Variants in CTNNA3 observed in about 807,000 individuals in gnomAD.
CTNNA3 encodes the protein catenin alpha 3, also known as catenin alpha-3.
A neutral mutation model predicts 95.7 loss-of-function variants in CTNNA3; 76 were observed. The ratio of observed to expected loss-of-function variants is 0.79; its 90% CI spans 0.66 to 0.96. The LOEUF (loss-of-function observed/expected upper bound fraction) is 0.96, where lower values mean the gene tolerates loss of function less well. Ranked by LOEUF, CTNNA3 falls within the 40% of genes least tolerant of loss-of-function variation. The pLI is 0.00. For synonymous variants in CTNNA3, 431 were observed against 374.4 expected (o/e 1.15, Z -1.74); for missense variants, 1,191 against 1,089.8 (o/e 1.09, Z -1.31).
chr10:66,290,391 T>C (rs1479065282), intron 12 of CTNNA3, among the ~76,000 whole-genome samples: 1 of 152,080 alleles, frequency 6.6e-6, no homozygotes, highest in Non-Finnish European at 1.5e-5. Context: ...ATGGGTTATA[T>C]GGTTCATATT....
At chr10:67,120,411 T>C (rs1041522648) in intron 7 of CTNNA3, among the ~76,000 whole-genome samples, 8 of 152,084 alleles carry the variant, frequency 5.3e-5, no homozygotes, top group African/African-American at 1.9e-4. Context: ...CATAGACTCT[T>C]CAAGGTCAAA....
At chr10:66,734,964 T>C (rs1187560993) in intron 9 of CTNNA3, among the ~76,000 whole-genome samples, 1 of 151,922 alleles carries the variant, frequency 6.6e-6, no homozygotes, top group Non-Finnish European at 1.5e-5. Flanking sequence ...AAAAAGTTCT[T>C]ATGAATTTGT....
chr10:67,215,678 G>A (rs1234310256), intron 6 of CTNNA3, among the ~76,000 whole-genome samples: 3 of 152,122 alleles, frequency 2.0e-5, no homozygotes, highest in Non-Finnish European at 4.4e-5. Flanking sequence ...GGCTATGCTA[G>A]TCAAAAGTTC....
At chr10:66,207,764 ACTAGGGC>A (rs1433781429) in intron 13 of CTNNA3, among the ~76,000 whole-genome samples, 3 of 152,078 alleles carry the variant, frequency 2.0e-5, no homozygotes, top group African/African-American at 7.2e-5. Flanking sequence ...TTTCAGAAGG[ACTAGGGC>A]TTGTAATGAT....
chr10:66,312,219 G>A (rs1331162860), intron 12 of CTNNA3, among the ~76,000 whole-genome samples: 2 of 152,054 alleles, frequency 1.3e-5, no homozygotes, highest in African/African-American at 4.8e-5. Flanking sequence ...TTGCTTGTGT[G>A]GCTGGTCTCC....
chr10:66,787,298 A>T (rs1840786971), intron 7 of CTNNA3, among the ~76,000 whole-genome samples: 1 of 151,332 alleles, frequency 6.6e-6, no homozygotes, highest in East Asian at 2.0e-4. Context: ...GGTGGTGTTC[A>T]TTGCCTCTCG....
intron 11 of CTNNA3, among the ~76,000 whole-genome samples, chr10:66,470,773 A>G (rs1351388157): frequency 6.6e-6 from 1 of 151,960 alleles, no homozygotes; most frequent in East Asian, 1.9e-4. Flanking sequence ...TGTCGATGTG[A>G]AAGGGAGGTG....
intron 5 of CTNNA3, among the ~76,000 whole-genome samples, chr10:67,498,546 T>C (rs1839111199): frequency 6.6e-6 from 1 of 152,230 alleles, no homozygotes; most frequent in South Asian, 2.1e-4. Context: ...TTTCATGATA[T>C]TGATTTCTCC....
chr10:67,269,589 G>T (rs1838871320), intron 5 of CTNNA3, among the ~76,000 whole-genome samples: 4 of 151,988 alleles, frequency 2.6e-5, no homozygotes, highest in African/African-American at 7.2e-5. Flanking sequence ...TCTTTAAGAA[G>T]AAATGAAAAA....
At chr10:67,342,237 G>T (rs12259255) in intron 5 of CTNNA3, among the ~76,000 whole-genome samples, 9,505 of 151,244 alleles carry the variant, frequency 0.063, 404 homozygotes, top group African/African-American at 0.12. Context: ...GAATAGCTGG[G>T]ACTACAGGCG....
intron 7 of CTNNA3, among the ~76,000 whole-genome samples, chr10:66,997,333 C>A (rs1199409074): frequency 6.6e-6 from 1 of 152,230 alleles, no homozygotes; most frequent in Admixed American, 6.5e-5. Context: ...ATACTTATTA[C>A]CAAATGACCA....
chr10:67,460,192 C>T (rs1192677165), intron 5 of CTNNA3, among the ~76,000 whole-genome samples: 2 of 152,114 alleles, frequency 1.3e-5, no homozygotes, highest in Non-Finnish European at 2.9e-5. Context: ...AAGCACTTTC[C>T]TATGGCTTTG....
chr10:66,481,364 T>C (rs558494272), intron 11 of CTNNA3, among the ~76,000 whole-genome samples: 17 of 151,804 alleles, frequency 1.1e-4, no homozygotes, highest in African/African-American at 3.6e-4. Context: ...TCATTATTCA[T>C]CCATTCATTC....
At chr10:66,212,867 G>C (rs2088260346) in intron 13 of CTNNA3, among the ~76,000 whole-genome samples, 1 of 152,136 alleles carries the variant, frequency 6.6e-6, no homozygotes, top group Admixed American at 6.6e-5. Flanking sequence ...AGTAGTTTTA[G>C]TAGCACATGC....
chr10:66,046,918 G>C (rs1464755923), intron 15 of CTNNA3, among the ~76,000 whole-genome samples: 2 of 151,962 alleles, frequency 1.3e-5, no homozygotes, highest in Admixed American at 6.6e-5. Flanking sequence ...ACCCTCCCAA[G>C]ACTGACCCAG....
At chr10:66,862,171 G>A (rs149729515) in intron 7 of CTNNA3, among the ~76,000 whole-genome samples, 283 of 152,222 alleles carry the variant, frequency 1.9e-3, no homozygotes, top group African/African-American at 6.4e-3. Context: ...CTGAGATCAC[G>A]CCACTGCACT....
chr10:66,497,372 C>G (rs1030914222), intron 11 of CTNNA3, among the ~76,000 whole-genome samples: 2 of 151,296 alleles, frequency 1.3e-5, no homozygotes, highest in Non-Finnish European at 3.0e-5. Context: ...TTGCATCAAC[C>G]TATATAAAAC....
intron 11 of CTNNA3, among the ~76,000 whole-genome samples, chr10:66,520,242 A>ATTT (rs1186356819): frequency 8.7e-6 from 1 of 114,616 alleles, no homozygotes. Flanking sequence ...ATTTAGTATT[A>ATTT]TTCTTTTTTT....
At chr10:67,467,496 C>T (rs1320788951) in intron 5 of CTNNA3, among the ~76,000 whole-genome samples, 2 of 152,016 alleles carry the variant, frequency 1.3e-5, no homozygotes, top group Non-Finnish European at 2.9e-5. Context: ...TTATTATCTA[C>T]CCCTAGGCAT....
Sources: gnomAD v4.1 joint callset for allele counts (sites outside exome capture counted in the v4.1 genomes callset) on GRCh38, gnomAD v4.1.1 for gene constraint, MANE v1.5 for transcripts, NCBI Gene and HGNC (gene_info 2026-07-23, HGNC 2026-07-21) for gene names.